CDKAL1: variants seen among roughly 807,000 people sequenced by gnomAD.
CDKAL1 encodes the protein CDKAL1 threonylcarbamoyladenosine tRNA methylthiotransferase.
CDKAL1 carries 32 observed loss-of-function variants against 68.2 expected under a neutral mutation model. That is an observed-to-expected ratio of 0.47 (90% CI 0.35 to 0.63). CDKAL1 has a LOEUF of 0.63. Ranked by LOEUF, CDKAL1 falls within the 30% of genes least tolerant of loss-of-function variation. CDKAL1 has a pLI of 0.00. For missense variants in CDKAL1, 606 were observed against 696.7 expected, an observed-to-expected ratio of 0.87 and a Z score of 1.47; for synonymous variants, 234 against 244.3, an observed-to-expected ratio of 0.96 and a Z score of 0.39.
intron 9 of CDKAL1, among the ~76,000 whole-genome samples, chr6:20,912,112 A>T (rs542238144): frequency 7.9e-5 from 12 of 152,322 alleles, no homozygotes; most frequent in Non-Finnish European, 1.8e-4. Flanking sequence ...ATGAGAGTGC[A>T]TGAAGAAATC....
At chr6:20,856,235 G>A (rs560920127) in intron 9 of CDKAL1, among the ~76,000 whole-genome samples, 4 of 152,190 alleles carry the variant, frequency 2.6e-5, no homozygotes, top group Admixed American at 1.3e-4. Context: ...GGGGTCAGGC[G>A]TATGTGGCAG....
chr6:20,635,967 A>G (rs1767887814), intron 4 of CDKAL1, among the ~76,000 whole-genome samples: 2 of 152,272 alleles, frequency 1.3e-5, no homozygotes, highest in South Asian at 2.1e-4. Context: ...ATCTAATGGT[A>G]GTAAACTGGG....
In CDKAL1 at chr6:20,756,399, C is replaced by T. The variant is rs566970906; in HGVS notation, c.469-2196C>T. 7.2e-5 allele frequency among the ~76,000 whole-genome samples: 11 copies of T among 152,172 alleles called. No individual in the cohort carries two copies. In the South Asian group the frequency reaches 1.9e-3, roughly 26 times the overall value. On this transcript the variant is annotated intron_variant, in intron 6 of 15. Transcript: ENST00000274695. ...CACTGCTTTCCCTAAGTTTGATTCC[C>T]GTATTGTTAAATCAAACATATTCAT...
intron 9 of CDKAL1, among the ~76,000 whole-genome samples, chr6:20,858,746 A>G (rs142257979): frequency 8.3e-4 from 126 of 152,288 alleles, no homozygotes; most frequent in African/African-American, 3.0e-3. Flanking sequence ...ATGTTTACAA[A>G]GTTGATAATA....
At chr6:20,605,316 T>A (rs1386938416) in intron 4 of CDKAL1, among the ~76,000 whole-genome samples, 2 of 152,100 alleles carry the variant, frequency 1.3e-5, no homozygotes, top group Non-Finnish European at 2.9e-5. Context: ...GCAGCTGAGG[T>A]TGTTTCATCT....
In CDKAL1 at chr6:20,651,117, A is replaced by G. The variant is rs556343481; in HGVS notation, c.371+1740A>G. 3.3e-5 allele frequency among the ~76,000 whole-genome samples: 5 copies of G among 152,162 alleles called. No homozygotes were observed. In the East Asian group the frequency reaches 7.7e-4, roughly 23 times the overall value. ...ATGTCAATGGTAGTTTAATGGGAATAGTATTGAATCTACAAATTACTTTGG... is the reference window on the plus strand; with the variant it reads ...ATGTCAATGGTAGTTTAATGGGAATGGTATTGAATCTACAAATTACTTTGG... On this transcript the variant is annotated intron_variant, in intron 5 of 15. Transcript: ENST00000274695.
At chr6:21,021,365 C>A (rs931036110) in intron 11 of CDKAL1, among the ~76,000 whole-genome samples, 1 of 151,626 alleles carries the variant, frequency 6.6e-6, no homozygotes, top group Non-Finnish European at 1.5e-5. Context: ...GTATTCAAAG[C>A]AATATTAATA....
chr6:20,789,145 T>A (rs2150387759), intron 8 of CDKAL1, among the ~76,000 whole-genome samples: 1 of 152,358 alleles, frequency 6.6e-6, no homozygotes. Flanking sequence ...TTGAGGCATT[T>A]ATGGCAATTG....
intron 13 of CDKAL1, among the ~76,000 whole-genome samples, chr6:21,146,604 A>G (rs1408162541): frequency 1.3e-5 from 2 of 152,090 alleles, no homozygotes; most frequent in African/African-American, 4.8e-5. Flanking sequence ...TAATCCCAGC[A>G]CTTTCGGAGG....
At chr6:20,965,162 A>G (rs1372619456) in intron 10 of CDKAL1, among the ~76,000 whole-genome samples, 1 of 152,036 alleles carries the variant, frequency 6.6e-6, no homozygotes. Flanking sequence ...GTTTTTTACA[A>G]TTAGCTTGGT....
At chr6:21,217,183 C>T (rs1315472377) in intron 15 of CDKAL1, among the ~76,000 whole-genome samples, 3 of 151,680 alleles carry the variant, frequency 2.0e-5, no homozygotes, top group African/African-American at 7.3e-5. Context: ...TATATACACA[C>T]ATATATATAT....
At chr6:20,860,963 G>A (rs375686370) in intron 9 of CDKAL1, among the ~76,000 whole-genome samples, 8 of 138,778 alleles carry the variant, frequency 5.8e-5, no homozygotes, top group Admixed American at 2.3e-4. Context: ...TAGAGAAAGC[G>A]TAAGCGTAAA....
intron 12 of CDKAL1, among the ~76,000 whole-genome samples, chr6:21,068,042 GTTGGTTTA>G (rs1771550255): frequency 1.1e-4 from 2 of 18,988 alleles, no homozygotes; most frequent in African/African-American, 1.6e-3. Context: ...CCATCTACCT[GTTGGTTTA>G]CCAGTTGGAT....
chr6:20,557,053 ATAAAT>A (rs1409260453), intron 4 of CDKAL1, among the ~76,000 whole-genome samples: 108 of 81,224 alleles, frequency 1.3e-3, no homozygotes, highest in African/African-American at 3.0e-3. Flanking sequence ...AAAAAAAAAA[ATAAAT>A]AAATAAATAA....
Position 20,906,443 on chromosome 6 carries a change from T to C in CDKAL1, c.743-48976T>C, listed in dbSNP as rs1762233523. On this transcript the variant is annotated intron_variant, in intron 9 of 15. Transcript: ENST00000274695. ...AATGCAACCACAAAGAAAATACATA[T>C]AAAATACACAGATGTTCCTCAACTT... 1.3e-5 allele frequency among the ~76,000 whole-genome samples: 2 copies of C among 152,090 alleles called. 1 individual carries two copies. The highest frequency in any genetic ancestry group is 4.2e-4 in the South Asian group (2 of 4,818).
chr6:20,978,161 C>T (rs1487215727), intron 10 of CDKAL1, among the ~76,000 whole-genome samples: 1 of 152,200 alleles, frequency 6.6e-6, no homozygotes, highest in Non-Finnish European at 1.5e-5. Context: ...TTCCCAGCTA[C>T]TATGTAGTCA....
chr6:21,037,687 A>G (rs1445865410), intron 11 of CDKAL1, among the ~76,000 whole-genome samples: 3 of 152,212 alleles, frequency 2.0e-5, no homozygotes, highest in African/African-American at 7.2e-5. Flanking sequence ...ATTTTAATTT[A>G]ACTAGCCATG....
chr6:20,799,069 T>TTTTTTTTTTTTG (rs70990069), intron 8 of CDKAL1, among the ~76,000 whole-genome samples: 1 of 140,310 alleles, frequency 7.1e-6, no homozygotes. Context: ...TTTTTTTTTT[T>TTTTTTTTTTTTG]GAGACGGAGT....
At chr6:20,636,376 A>G (rs949088564) in intron 4 of CDKAL1, among the ~76,000 whole-genome samples, 6 of 152,104 alleles carry the variant, frequency 3.9e-5, no homozygotes, top group Non-Finnish European at 5.9e-5. Flanking sequence ...ATCTGTTTTA[A>G]TGCTTAGAGT....
Sources: gnomAD v4.1 joint callset for allele counts (sites outside exome capture counted in the v4.1 genomes callset) on GRCh38, gnomAD v4.1.1 for gene constraint, MANE v1.5 for transcripts, NCBI Gene and HGNC (gene_info 2026-07-23, HGNC 2026-07-21) for gene names.